EIF2AK2: variants seen among roughly 807,000 people sequenced by gnomAD.
The protein encoded by EIF2AK2 is interferon-induced, double-stranded RNA-activated protein kinase.
In EIF2AK2, 40 loss-of-function variants were observed where a neutral mutation model predicts 70.5. The ratio of observed to expected loss-of-function variants is 0.57; its 90% CI spans 0.44 to 0.74. The LOEUF (loss-of-function observed/expected upper bound fraction) is 0.74, where lower values mean the gene tolerates loss of function less well. Ranked by LOEUF, EIF2AK2 falls within the 30% of genes least tolerant of loss-of-function variation. EIF2AK2 has a pLI of 0.00. For synonymous variants in EIF2AK2, 198 were observed against 220.9 expected, an observed-to-expected ratio of 0.90 and a Z score of 0.92; for missense variants, 555 against 644.3, an observed-to-expected ratio of 0.86 and a Z score of 1.50.
chr2:37,129,029 T>A (rs947090973), intron 10 of EIF2AK2, among the ~76,000 whole-genome samples: 1 of 152,000 alleles, frequency 6.6e-6, no homozygotes, highest in Admixed American at 6.6e-5. Flanking sequence ...AACTTTTCTC[T>A]ACCTCCAATT....
intron 13 of EIF2AK2, among the ~76,000 whole-genome samples, chr2:37,117,551 A>G (rs1674390309): frequency 6.6e-6 from 1 of 152,166 alleles, no homozygotes; most frequent in South Asian, 2.1e-4. Flanking sequence ...AAAAGAAATA[A>G]AAACAATAAT....
intron 4 of EIF2AK2, among the ~76,000 whole-genome samples, chr2:37,145,242 A>G (rs1385598571): frequency 2.7e-5 from 4 of 148,850 alleles, no homozygotes; most frequent in Non-Finnish European, 5.9e-5. Flanking sequence ...TCCTGAGTTC[A>G]AGCAATTCTC....
intron 12 of EIF2AK2, 43 bp from the exon 13 acceptor site, chr2:37,120,182 T>C: frequency 2.5e-6 from 3 of 1,183,794 alleles, no homozygotes; most frequent in East Asian, 6.5e-5. Flanking sequence ...ACAATAAATA[T>C]AAATTTATAA....
In EIF2AK2 at chr2:37,109,199, A is replaced by G. The variant is rs1674063768; in HGVS notation, c.1474T>C (p.Ser492Pro). 5 of 1,613,860 alleles carry G rather than the reference A, an allele frequency of 3.1e-6. No individual in the cohort carries two copies. The highest frequency in any genetic ancestry group is 4.2e-6 in the Non-Finnish European group (5 of 1,179,882). ...TTTCTTTGAGATAATTTTACCTTTGATGTTTCAAAAGCAGTGTCACATACA... is the reference window on the plus strand; with the variant it reads ...TTTCTTTGAGATAATTTTACCTTTGGTGTTTCAAAAGCAGTGTCACATACA... ...LHVCDTAFETSKFFTDLRDGI... is the reference protein window; with the variant it reads ...LHVCDTAFETPKFFTDLRDGI... The change falls in exon 15 of 17, where the codon TCA becomes CCA. Residue 492 changes from serine (S) to proline (P), a missense_variant. Physicochemically the swap from Ser to Pro is moderately conservative, Grantham distance 74. Coordinates refer to ENST00000233057, the MANE Select transcript of EIF2AK2 (RefSeq NM_001135651.3).
intron 8 of EIF2AK2, 31 bp from the exon 9 acceptor site, chr2:37,137,048 A>C: frequency 6.3e-7 from 1 of 1,575,220 alleles, no homozygotes. Context: ...AAATAGTTTC[A>C]GATGACTAAA....
intron 6 of EIF2AK2, among the ~76,000 whole-genome samples, chr2:37,139,198 C>A (rs1675236110): frequency 6.6e-6 from 1 of 151,644 alleles, no homozygotes; most frequent in Non-Finnish European, 1.5e-5. Context: ...GCTTGTAGTC[C>A]CAGCTACTCA....
intron 10 of EIF2AK2, among the ~76,000 whole-genome samples, chr2:37,129,552 G>T (rs757642230): frequency 2.8e-4 from 42 of 152,284 alleles, no homozygotes; most frequent in Middle Eastern, 3.4e-3. Flanking sequence ...ACAAAACCCA[G>T]GTTAATTGGG....
At chr2:37,154,241 C>T (rs539165476) in intron 1 of EIF2AK2, among the ~76,000 whole-genome samples, 32 of 152,028 alleles carry the variant, frequency 2.1e-4, no homozygotes, top group Admixed American at 2.1e-3. Context: ...AGGAGAATCG[C>T]TTGAACCCAG....
In EIF2AK2 at chr2:37,104,648, A is replaced by G. The variant is rs1673910345; in HGVS notation, c.*2625T>C. ...TGTCTTTTTAAATATCCAGAATACA[A>G]TAAAGATTCAAACATTGCATTTGGT... On this transcript the variant is annotated 3_prime_UTR_variant, in exon 17 of 17. Transcript: ENST00000233057. 1 of 151,800 alleles carries G rather than the reference A, an allele frequency of 6.6e-6. No homozygotes were observed. Among genetic ancestry groups the G allele is most frequent in the Non-Finnish European group, 1.5e-5 (1 of 67,972 alleles). The allele number at this position is 151,800 out of a possible 1,614,324, so 9.4% of individuals were successfully genotyped here.
chr2:37,149,064 G>C (rs1178412628), intron 1 of EIF2AK2, 41 bp from the exon 2 acceptor site: 2 of 993,530 alleles, frequency 2.0e-6, no homozygotes, highest in East Asian at 2.4e-5. Flanking sequence ...AAATGCAACC[G>C]CTGGTTCAGA....
chr2:37,127,027 A>G (rs1347677210), intron 10 of EIF2AK2, among the ~76,000 whole-genome samples: 1 of 148,110 alleles, frequency 6.8e-6, no homozygotes, highest in African/African-American at 2.5e-5. Context: ...TATCACAAAT[A>G]CAAAATGTTC....
Position 37,114,706 on chromosome 2 carries a change from T to C in EIF2AK2, c.1377+25A>G, listed in dbSNP as rs373676484. The C allele has an allele frequency of 3.7e-5, 56 of 1,521,694 alleles. No homozygotes were observed. In the African/African-American group the frequency reaches 6.6e-4, roughly 18 times the overall value. 94.3% of individuals were successfully genotyped at this position (1,521,694 alleles called of 1,614,324 possible). ...TTTTCAAAATAAAAGAAGTAAAATA[T>C]AGACAGACAGGAAAGAGACCTTACC... On this transcript the variant is annotated intron_variant, in intron 14 of 16. Transcript: ENST00000233057.
chr2:37,129,522 C>T (rs1270042606), intron 10 of EIF2AK2, among the ~76,000 whole-genome samples: 1 of 152,134 alleles, frequency 6.6e-6, no homozygotes, highest in Non-Finnish European at 1.5e-5. Flanking sequence ...GCATCCTTCG[C>T]CCCCACATCT....
intron 9 of EIF2AK2, 29 bp from the exon 10 acceptor site, chr2:37,135,575 C>A: frequency 1.3e-6 from 2 of 1,565,418 alleles, no homozygotes; most frequent in Non-Finnish European, 1.7e-6. Flanking sequence ...ATGTAAAACT[C>A]AAATAAAATT....
At chr2:37,130,889 C>G (rs1286958966) in intron 10 of EIF2AK2, among the ~76,000 whole-genome samples, 3 of 152,178 alleles carry the variant, frequency 2.0e-5, no homozygotes, top group African/African-American at 7.2e-5. Flanking sequence ...AATTTTTTGG[C>G]TGAATGTGGG....
At chr2:37,119,339 C>T (rs566132000) in intron 13 of EIF2AK2, among the ~76,000 whole-genome samples, 3 of 152,084 alleles carry the variant, frequency 2.0e-5, no homozygotes, top group Non-Finnish European at 4.4e-5. Context: ...TGACAGCCCT[C>T]GCGAGTAATG....
intron 13 of EIF2AK2, among the ~76,000 whole-genome samples, chr2:37,117,330 G>T (rs1350862472): frequency 6.6e-6 from 1 of 152,158 alleles, no homozygotes; most frequent in East Asian, 1.9e-4. Flanking sequence ...TTGAGCTCAG[G>T]AGTTCGAGAC....
At position 37,114,812 on chromosome 2, in the gene EIF2AK2, G is replaced by A; in HGVS notation, c.1296C>T (p.Asp432=). Residue 432 remains aspartate, a synonymous_variant, in exon 14 of 17, where the codon GAC becomes GAT. Transcript: ENST00000233057. The part of the protein sequence containing the change: ...LVDTKQVKIG[D]FGLVTSLKND... The stretch of plus-strand genomic sequence containing the variant: ...TTTTCAGAGATGTTACAAGTCCAAA[G>A]TCTCCAATCTTTACTTGTTTTGTAT... The A allele has an allele frequency of 6.3e-7, 1 of 1,595,896 alleles. No homozygotes were observed. Among genetic ancestry groups the A allele is most frequent in the Non-Finnish European group, 8.5e-7 (1 of 1,171,588 alleles).
rs1673807281 is a variant in EIF2AK2, at chr2:37,100,702, T to A, written c.*6571A>T. 1 of 152,148 alleles carries A rather than the reference T, an allele frequency of 6.6e-6. No homozygotes were observed. The highest frequency in any genetic ancestry group is 2.4e-5 in the African/African-American group (1 of 41,414). The allele number at this position is 152,148 out of a possible 1,614,324, so 9.4% of individuals were successfully genotyped here. ...GAGTTAACATTTCAGTGGAGACCTT[T>A]CCTATCTTGTATTTCCTACAGTCTC... On this transcript the variant is annotated 3_prime_UTR_variant, in exon 17 of 17. Transcript: ENST00000233057.
Sources: allele counts gnomAD v4.1 joint callset (sites outside exome capture counted in the v4.1 genomes callset), GRCh38; gene constraint gnomAD v4.1.1; transcripts MANE v1.5; gene names NCBI Gene and HGNC (gene_info 2026-07-23, HGNC 2026-07-21).